Variants in CFAP92 observed in about 807,000 individuals in gnomAD.
CFAP92 encodes cilia and flagella associated protein 92 (putative), also known as uncharacterized protein CFAP92.
In CFAP92, 86 loss-of-function variants were observed where a neutral mutation model predicts 106.3. The observed-to-expected ratio is 0.81, with a 90% CI of 0.68 to 0.97. The LOEUF is 0.97. CFAP92 is among the 50% of genes least tolerant of loss of function. The probability of loss-of-function intolerance (pLI) is 0.00; values close to 1 mark genes in which losing one functional copy is unlikely to be tolerated. For missense variants in CFAP92, 1,204 were observed against 1,283.8 expected (o/e 0.94, Z 0.95); for synonymous variants, 477 against 506.4 (o/e 0.94, Z 0.78).
rs542814388 is a variant in CFAP92, at chr3:128,915,413, C to T, written c.3067G>A (p.Asp1023Asn). 4.3e-5 allele frequency: 66 copies of T among 1,536,072 alleles called. 1 individual carries two copies. The highest frequency in any genetic ancestry group is 1.7e-4 in the South Asian group (14 of 84,042). ...RGFQVTGLQS[D>N]TESSFQDLKL... ...AGATCCTGAAAGCTGCTTTCGGTGT[C>T]GCTCTGAAGACCTGTCACTTGGAAT... The change falls in exon 14 of 16, where the codon GAC (aspartate) becomes AAC (asparagine). Residue 1023 changes from aspartate (D) to asparagine (N), a missense_variant. Transcript: ENST00000645291.
chr3:128,975,012 C>T (rs989792976), intron 7 of CFAP92, among the ~76,000 whole-genome samples: 8 of 151,598 alleles, frequency 5.3e-5, no homozygotes, highest in Admixed American at 2.0e-4. Context: ...CCCAGCTATT[C>T]GGGAGGCTGA....
intron 2 of CFAP92, chr3:128,991,472 C>T (rs569693246): frequency 4.5e-4 from 70 of 154,076 alleles, no homozygotes; most frequent in Non-Finnish European, 8.1e-4. Flanking sequence ...GGCGTAAGGT[C>T]ACTTACGTCA....
intron 4 of CFAP92, among the ~76,000 whole-genome samples, chr3:128,987,350 G>A (rs1046417579): frequency 3.3e-5 from 5 of 151,290 alleles, no homozygotes; most frequent in East Asian, 1.9e-4. Flanking sequence ...AGTCCAGACC[G>A]GTGATGGGTG....
intron 10 of CFAP92, among the ~76,000 whole-genome samples, chr3:128,940,270 CA>C (rs1453070272): frequency 6.6e-6 from 1 of 152,108 alleles, no homozygotes; most frequent in Admixed American, 6.6e-5. Context: ...CATGAGTGTA[CA>C]AAGTTTAGTA....
chr3:128,952,076 T>C (rs547043249), intron 9 of CFAP92, among the ~76,000 whole-genome samples: 2 of 152,144 alleles, frequency 1.3e-5, no homozygotes, highest in Non-Finnish European at 2.9e-5. Flanking sequence ...CACATGCAGT[T>C]TGGTGTTGGA....
chr3:128,915,909 GGC>G (rs775975273), intron 13 of CFAP92, 196 bp downstream of exon 13: 13 of 436,754 alleles, frequency 3.0e-5, no homozygotes, highest in Non-Finnish European at 4.7e-5. Context: ...GAGGATCTTG[GGC>G]TTACCCTCAG....
intron 12 of CFAP92, among the ~76,000 whole-genome samples, chr3:128,931,740 C>T (rs556461265): frequency 7.7e-4 from 117 of 152,040 alleles, no homozygotes; most frequent in African/African-American, 2.7e-3. Flanking sequence ...ATGGAAAAAA[C>T]AGCCAGGCAC....
chr3:129,022,139 G>C, the CFAP92 span, among the ~76,000 whole-genome samples: 2 of 152,148 alleles, frequency 1.3e-5, no homozygotes, highest in East Asian at 3.9e-4. Flanking sequence ...TATCTATATA[G>C]AACCTGTATT....
At chr3:128,946,089 G>C (rs1223864764) in intron 9 of CFAP92, 114 bp from the exon 10 acceptor site, 8 of 672,580 alleles carry the variant, frequency 1.2e-5, no homozygotes, top group African/African-American at 5.4e-5. Flanking sequence ...TGTAGCCCAA[G>C]TTTTCTCATC....
At chr3:128,983,743 T>C (rs1943670532) in intron 4 of CFAP92, among the ~76,000 whole-genome samples, 1 of 152,210 alleles carries the variant, frequency 6.6e-6, no homozygotes, top group Non-Finnish European at 1.5e-5. Flanking sequence ...GAGGCAGGCC[T>C]TACCACAAGG....
the CFAP92 span, among the ~76,000 whole-genome samples, chr3:129,021,835 CTCCTT>C: frequency 5.3e-5 from 8 of 152,252 alleles, no homozygotes; most frequent in Middle Eastern, 6.8e-3. Context: ...TATCATAAAA[CTCCTT>C]TCCTTTTCTT....
intron 4 of CFAP92, among the ~76,000 whole-genome samples, chr3:128,984,065 G>A (rs1943697675): frequency 6.6e-6 from 1 of 152,194 alleles, no homozygotes; most frequent in Non-Finnish European, 1.5e-5. Flanking sequence ...GACACCCACT[G>A]GGCACCAGGT....
At chr3:128,942,916 C>G (rs972923154) in intron 10 of CFAP92, among the ~76,000 whole-genome samples, 1 of 84,950 alleles carries the variant, frequency 1.2e-5, no homozygotes, top group Non-Finnish European at 2.1e-5. Context: ...AAAACTCAAC[C>G]TTTTTTTTTT....
chr3:128,916,954 A>C (rs1936863498), intron 12 of CFAP92, among the ~76,000 whole-genome samples: 1 of 152,212 alleles, frequency 6.6e-6, no homozygotes. Flanking sequence ...TACCTTTAAA[A>C]AATTTTTTAG....
the CFAP92 span, among the ~76,000 whole-genome samples, chr3:129,012,425 G>A: frequency 8.8e-3 from 1,337 of 152,132 alleles, 21 homozygotes; most frequent in African/African-American, 0.03. Context: ...CTGTATCTCT[G>A]CTTGTCCCTG....
intron 15 of CFAP92, among the ~76,000 whole-genome samples, chr3:128,913,989 C>T (rs2107675196): frequency 6.6e-6 from 1 of 152,172 alleles, no homozygotes; most frequent in Admixed American, 6.5e-5. Context: ...TCTTACATGC[C>T]AATGGAGAAT....
chr3:128,950,979 G>A (rs1940723263), intron 9 of CFAP92, among the ~76,000 whole-genome samples: 1 of 152,090 alleles, frequency 6.6e-6, no homozygotes, highest in Admixed American at 6.6e-5. Context: ...CTGCAAACAG[G>A]ACTTTTTAAG....
intron 1 of CFAP92, among the ~76,000 whole-genome samples, chr3:128,999,838 C>T (rs1365517592): frequency 6.6e-6 from 1 of 152,074 alleles, no homozygotes; most frequent in African/African-American, 2.4e-5. Flanking sequence ...CCACCGCGAC[C>T]GGCCAAGAAA....
intron 12 of CFAP92, among the ~76,000 whole-genome samples, chr3:128,927,114 T>G (rs1042865630): frequency 4.0e-5 from 6 of 151,796 alleles, no homozygotes; most frequent in Non-Finnish European, 7.4e-5. Flanking sequence ...AAGAGAGAGA[T>G]ATTAGAGACT....
Sources: allele counts gnomAD v4.1 joint callset (sites outside exome capture counted in the v4.1 genomes callset), GRCh38; gene constraint gnomAD v4.1.1; transcripts MANE v1.5; gene names NCBI Gene and HGNC (gene_info 2026-07-23, HGNC 2026-07-21).